MAP3K9: variants seen among roughly 807,000 people sequenced by gnomAD.
MAP3K9 encodes the protein mitogen-activated protein kinase kinase kinase 9, also known as mixed lineage kinase 1 (tyr and ser/thr specificity).
Under a neutral mutation model 95.8 loss-of-function variants are expected in MAP3K9, and 46 were observed. The ratio of observed to expected loss-of-function variants is 0.48; its 90% CI spans 0.38 to 0.61. The LOEUF is 0.61. Among genes scored for constraint, MAP3K9 ranks in the 20% least tolerant of loss-of-function variants. MAP3K9 has a pLI of 0.00. For missense variants in MAP3K9, 1,296 were observed against 1,474.3 expected, an observed-to-expected ratio of 0.88 and a Z score of 1.98; for synonymous variants, 533 against 593.8, an observed-to-expected ratio of 0.90 and a Z score of 1.49.
At chr14:70,803,636 G>A (rs1263704369) in intron 1 of MAP3K9, among the ~76,000 whole-genome samples, 1 of 152,086 alleles carries the variant, frequency 6.6e-6, no homozygotes, top group Non-Finnish European at 1.5e-5. Flanking sequence ...TAATGCAACT[G>A]GCAGTCTGCA....
chr14:70,742,385 C>A lies in MAP3K9; in HGVS notation c.1533G>T (p.Lys511Asn). Residue 511 changes from lysine to asparagine, a missense_variant, in exon 6 of 12, where the codon AAG becomes AAT. By Grantham distance (94) the Lys-to-Asn change is moderately conservative. Around this residue, in one of 5 missense-constraint regions of MAP3K9, gnomAD observed 377 missense variants for 417.1 expected, o/e 0.90. Transcript: ENST00000554752. ...GGCTGATGCGGTTGCCATCCTTGAG[C>A]TTCAGCCGGCTCTTCCTGAACTTGC... ...RKGKFRKSRL[K>N]LKDGNRISLP... The A allele has an allele frequency of 6.2e-7, 1 of 1,614,202 alleles. No homozygotes were observed. Among genetic ancestry groups the A allele is most frequent in the Non-Finnish European group, 8.5e-7 (1 of 1,180,024 alleles).
chr14:70,739,913 T>C (rs1201053951), intron 7 of MAP3K9, 129 bp downstream of exon 7: 1 of 1,613,144 alleles, frequency 6.2e-7, no homozygotes, highest in Non-Finnish European at 8.5e-7. Flanking sequence ...TGCATGTATA[T>C]ACACATTGTC....
rs202072778 is a variant in MAP3K9, at chr14:70,800,641, C to T, written c.820+26G>A. 7,019 of 1,601,980 alleles carry T rather than the reference C, an allele frequency of 4.4e-3. 35 individuals carry two copies. Among genetic ancestry groups the T allele is most frequent in the Non-Finnish European group, 5.5e-3 (6,407 of 1,173,712 alleles). On this transcript the variant is annotated intron_variant, in intron 2 of 11. Transcript: ENST00000554752. ...ATACAACTGCAACTGCTCTGAGCCCCTCCAGCCCCATCTCTTCATACTCAC... is the reference window on the plus strand; with the variant it reads ...ATACAACTGCAACTGCTCTGAGCCCTTCCAGCCCCATCTCTTCATACTCAC...
Position 70,730,257 on chromosome 14 carries a change from T to C in MAP3K9, c.*123A>G, listed in dbSNP as rs966437037. 24 of 1,388,082 alleles carry C rather than the reference T, an allele frequency of 1.7e-5. No individual in the cohort carries two copies. The highest frequency in any genetic ancestry group is 2.2e-4 in the Middle Eastern group (1 of 4,476). The allele number at this position is 1,388,082 out of a possible 1,614,324, so 86.0% of individuals were successfully genotyped here. A position where few individuals can be genotyped will look rare whatever the true frequency, so the allele number is the denominator to read the frequency against. ...GTTTCCATCCCTTCCATCTTCAAAG[T>C]GCATTATCAGTGCAAGAAGTAGGGC... On this transcript the variant is annotated 3_prime_UTR_variant, in exon 12 of 12. Coordinates refer to ENST00000554752, the MANE Select transcript of MAP3K9 (RefSeq NM_001284230.2).
At chr14:70,744,493 C>T (rs531322405) in intron 5 of MAP3K9, among the ~76,000 whole-genome samples, 5 of 152,086 alleles carry the variant, frequency 3.3e-5, no homozygotes, top group African/African-American at 9.7e-5. Flanking sequence ...TGCTCAAAAG[C>T]TAAGTGAGGC....
chr14:70,779,909 T>C (rs1003479722), intron 2 of MAP3K9, among the ~76,000 whole-genome samples: 1 of 152,238 alleles, frequency 6.6e-6, no homozygotes, highest in African/African-American at 2.4e-5. Flanking sequence ...ACTCAGGGAA[T>C]GGCACAACCT....
chr14:70,782,626 G>C (rs1473392512), intron 2 of MAP3K9, among the ~76,000 whole-genome samples: 1 of 152,192 alleles, frequency 6.6e-6, no homozygotes, highest in Non-Finnish European at 1.5e-5. Flanking sequence ...ACCTCTCCAT[G>C]TAAGAGCAGG....
chr14:70,795,538 C>T (rs937466578), intron 2 of MAP3K9, among the ~76,000 whole-genome samples: 2 of 142,556 alleles, frequency 1.4e-5, no homozygotes, highest in African/African-American at 5.2e-5. Flanking sequence ...TCTCAAACTC[C>T]TAGGCTCAAG....
In MAP3K9 at chr14:70,730,310, A is replaced by C; in HGVS notation, c.*70T>G. 1 of 1,540,222 alleles carries C rather than the reference A, an allele frequency of 6.5e-7. No individual in the cohort carries two copies. The highest frequency in any genetic ancestry group is 8.8e-7 in the Non-Finnish European group (1 of 1,141,650). ...GATCTCAGGGGGTCCAACCCTGAGAAAGGGCTGTGCCCGCCAGCTCCCCTC... is the reference window on the plus strand; with the variant it reads ...GATCTCAGGGGGTCCAACCCTGAGACAGGGCTGTGCCCGCCAGCTCCCCTC... On this transcript the variant is annotated 3_prime_UTR_variant, in exon 12 of 12. Transcript: ENST00000554752.
rs991765242 is a variant in MAP3K9 at position 70,725,748 on chromosome 14, A to G, written c.*4632T>C. 1.3e-5 allele frequency: 2 copies of G among 152,196 alleles called. No individual in the cohort carries two copies. The highest frequency in any genetic ancestry group is 2.9e-5 in the Non-Finnish European group (2 of 68,030). 9.4% of individuals were successfully genotyped at this position (152,196 alleles called of 1,614,324 possible). A position where few individuals can be genotyped will look rare whatever the true frequency, so the allele number is the denominator to read the frequency against. ...CAAGTCATTCTCAGACCTAAAGCCA[A>G]AGAGAGAGGCAGGTACATTAGGGTG... On this transcript the variant is annotated 3_prime_UTR_variant, in exon 12 of 12. Coordinates refer to ENST00000554752, the MANE Select transcript of MAP3K9 (RefSeq NM_001284230.2).
rs533583808 is a variant in MAP3K9 at position 70,808,711 on chromosome 14, C to T, written c.406+55G>A. ...GCGCAGTGCTCCCCCCTTCCCCGAC[C>T]GCCCCCCAGGCCTCCGTCATTCCCC... On this transcript the variant is annotated intron_variant, in intron 1 of 11. Transcript: ENST00000554752. 19 of 1,155,286 alleles carry T rather than the reference C, an allele frequency of 1.6e-5. No homozygotes were observed. In the African/African-American group the frequency reaches 2.5e-4, roughly 15 times the overall value. The allele number at this position is 1,155,286 out of a possible 1,614,324, so 71.6% of individuals were successfully genotyped here.
intron 2 of MAP3K9, among the ~76,000 whole-genome samples, chr14:70,798,191 T>C (rs2054885541): frequency 6.6e-6 from 1 of 152,166 alleles, no homozygotes; most frequent in Admixed American, 6.5e-5. Flanking sequence ...CACTCCTAAA[T>C]ACAAATCTCA....
rs8006424 is a variant in MAP3K9, at chr14:70,723,199, A to G, written c.*7181T>C. 142,845 of 152,304 alleles carry G rather than the reference A, an allele frequency of 0.94. 67,122 individuals are homozygous for G. Among genetic ancestry groups the G allele is most frequent in the African/African-American group, 0.96 (39,934 of 41,542 alleles). 9.4% of individuals were successfully genotyped at this position (152,304 alleles called of 1,614,324 possible). A position where few individuals can be genotyped will look rare whatever the true frequency, so the allele number is the denominator to read the frequency against. ...GCCCAGGGAGGAGACACAAGCTACA[A>G]TAAGGCTTCCAAGCTCAAGAGACTG... On this transcript the variant is annotated 3_prime_UTR_variant, in exon 12 of 12. Transcript: ENST00000554752.
intron 2 of MAP3K9, among the ~76,000 whole-genome samples, chr14:70,764,067 A>T (rs12883246): frequency 0.89 from 128,949 of 144,936 alleles, 57,445 homozygotes; most frequent in Middle Eastern, 0.93. Flanking sequence ...GCGCTTGTAG[A>T]CCCAGCTACT....
chr14:70,785,327 T>G (rs562466221), intron 2 of MAP3K9, among the ~76,000 whole-genome samples: 14 of 152,360 alleles, frequency 9.2e-5, no homozygotes, highest in Admixed American at 5.9e-4. Context: ...CCCCAGTGGA[T>G]GCCCCAATCC....
intron 2 of MAP3K9, among the ~76,000 whole-genome samples, chr14:70,797,034 A>C (rs528696116): frequency 6.6e-6 from 1 of 152,346 alleles, no homozygotes; most frequent in South Asian, 2.1e-4. Flanking sequence ...GTAAACTGCA[A>C]ATGACTTTTT....
intron 2 of MAP3K9, among the ~76,000 whole-genome samples, chr14:70,788,217 T>C (rs118150285): frequency 0.01 from 1,585 of 152,212 alleles, 19 homozygotes; most frequent in Non-Finnish European, 0.017. Flanking sequence ...ACAGTACAAC[T>C]GGAAAGAATA....
chr14:70,740,350 C>T (rs1019329891), intron 6 of MAP3K9, among the ~76,000 whole-genome samples, 186 bp from the exon 7 acceptor site: 4 of 151,962 alleles, frequency 2.6e-5, no homozygotes, highest in African/African-American at 4.8e-5. Context: ...GGGAGATGAA[C>T]GTATAAAAAG....
chr14:70,760,212 C>T (rs1385151845), intron 3 of MAP3K9, among the ~76,000 whole-genome samples: 1 of 150,888 alleles, frequency 6.6e-6, no homozygotes, highest in Non-Finnish European at 1.5e-5. Context: ...ACAATAACTC[C>T]ATGGACTGAT....
Sources: gnomAD v4.1 joint callset for allele counts (sites outside exome capture counted in the v4.1 genomes callset) on GRCh38, gnomAD v4.1.1 for gene constraint, gnomAD v4.1.1 regional missense constraint, MANE v1.5 for transcripts, NCBI Gene and HGNC (gene_info 2026-07-23, HGNC 2026-07-21) for gene names.